PTPRM: variants seen among roughly 807,000 people sequenced by gnomAD.
PTPRM encodes receptor-type tyrosine-protein phosphatase mu.
In PTPRM, 47 loss-of-function variants were observed where a neutral mutation model predicts 186.7. The observed-to-expected ratio is 0.25, with a 90% CI of 0.20 to 0.32. The LOEUF is 0.32. Ranked by LOEUF, PTPRM falls within the 10% of genes least tolerant of loss-of-function variation. The pLI, the probability that PTPRM is intolerant of heterozygous loss-of-function variation, is 1.00. For missense variants in PTPRM, 1,494 were observed against 1,865.0 expected (o/e 0.80, Z 3.66); for synonymous variants, 668 against 674.9 (o/e 0.99, Z 0.16).
chr18:8,269,136 T>C (rs558191595), intron 19 of PTPRM, among the ~76,000 whole-genome samples: 2 of 151,970 alleles, frequency 1.3e-5, no homozygotes, highest in Admixed American at 1.3e-4. Context: ...TCTGTTTATA[T>C]GTAACATGAT....
At chr18:7,782,021 T>C (rs2042880974) in intron 2 of PTPRM, among the ~76,000 whole-genome samples, 1 of 152,192 alleles carries the variant, frequency 6.6e-6, no homozygotes, top group South Asian at 2.1e-4. Context: ...AGCTTTTATA[T>C]GGTGAATGAT....
At chr18:7,906,442 G>A in intron 3 of PTPRM, 63 bp from the exon 4 acceptor site, 2 of 1,234,138 alleles carry the variant, frequency 1.6e-6, no homozygotes, top group Non-Finnish European at 2.4e-6. Flanking sequence ...CTTATATATA[G>A]GAGATACTTG....
At chr18:7,689,312 A>G (rs2039681583) in intron 1 of PTPRM, among the ~76,000 whole-genome samples, 1 of 152,226 alleles carries the variant, frequency 6.6e-6, no homozygotes, top group African/African-American at 2.4e-5. Flanking sequence ...GTGTCATCTC[A>G]GACTGTTCGG....
chr18:7,593,672 C>T (rs1440796862), intron 1 of PTPRM, among the ~76,000 whole-genome samples: 2 of 152,194 alleles, frequency 1.3e-5, no homozygotes, highest in African/African-American at 4.8e-5. Context: ...CACTTACGTC[C>T]ACTTTCTACC....
chr18:8,399,322 C>A (rs1029426020), intron 32 of PTPRM, among the ~76,000 whole-genome samples: 1 of 152,184 alleles, frequency 6.6e-6, no homozygotes, highest in African/African-American at 2.4e-5. Flanking sequence ...TGGAAAGCTG[C>A]CCTATTTCAA....
intron 3 of PTPRM, among the ~76,000 whole-genome samples, chr18:7,899,674 G>A (rs919673135): frequency 6.6e-6 from 1 of 151,944 alleles, no homozygotes; most frequent in African/African-American, 2.4e-5. Flanking sequence ...CAAAGAAGAT[G>A]GTATAAAATG....
intron 1 of PTPRM, among the ~76,000 whole-genome samples, chr18:7,615,500 T>C (rs1598532417): frequency 6.6e-6 from 1 of 152,110 alleles, no homozygotes. Flanking sequence ...CCAGTACCTC[T>C]CCAGCCTAGT....
chr18:7,904,851 A>G (rs2049891782), intron 3 of PTPRM, among the ~76,000 whole-genome samples: 1 of 152,206 alleles, frequency 6.6e-6, no homozygotes, highest in South Asian at 2.1e-4. Flanking sequence ...AGATAGTTTC[A>G]TTCTGTGTGT....
intron 13 of PTPRM, among the ~76,000 whole-genome samples, chr18:8,142,153 G>A (rs995253227): frequency 1.3e-5 from 2 of 152,190 alleles, no homozygotes; most frequent in African/African-American, 2.4e-5. Context: ...CAAAATAGCA[G>A]GACTTATTCT....
chr18:7,570,224 T>C (rs1249549714), intron 1 of PTPRM, among the ~76,000 whole-genome samples: 2 of 152,246 alleles, frequency 1.3e-5, no homozygotes, highest in Non-Finnish European at 2.9e-5. Flanking sequence ...TGCGTTTAGG[T>C]AGTACAGGTG....
At chr18:8,406,055 T>A in intron 32 of PTPRM, 54 bp from the exon 33 acceptor site, 2 of 1,515,594 alleles carry the variant, frequency 1.3e-6, no homozygotes, top group Non-Finnish European at 1.8e-6. Context: ...ATTGCTTTAC[T>A]AGGAACAGCG....
intron 1 of PTPRM, among the ~76,000 whole-genome samples, chr18:7,648,045 C>T (rs1250661770): frequency 6.6e-6 from 1 of 152,096 alleles, no homozygotes; most frequent in South Asian, 2.1e-4. Context: ...TTTTTTCCAA[C>T]AGCATATTTG....
At chr18:7,839,392 C>T (rs1279861453) in intron 2 of PTPRM, among the ~76,000 whole-genome samples, 1 of 152,152 alleles carries the variant, frequency 6.6e-6, no homozygotes, top group African/African-American at 2.4e-5. Flanking sequence ...CTTGGACTCT[C>T]AGTCAGCAGG....
chr18:7,732,204 A>G (rs1419155811), intron 1 of PTPRM, among the ~76,000 whole-genome samples: 2 of 152,128 alleles, frequency 1.3e-5, no homozygotes, highest in African/African-American at 2.4e-5. Context: ...GGTTCAACAT[A>G]CCTTCCCCAG....
chr18:8,021,315 GAGAC>G (rs1438732212), intron 7 of PTPRM, among the ~76,000 whole-genome samples: 94 of 99,216 alleles, frequency 9.5e-4, no homozygotes, highest in African/African-American at 2.1e-3. Context: ...AAGCATAAAA[GAGAC>G]ACACACACAC....
Position 7,567,882 on chromosome 18 carries a change from A to G in PTPRM, c.64A>G (p.Thr22Ala). The G allele has an allele frequency of 6.4e-7, 1 of 1,560,320 alleles. No homozygotes were observed. The highest frequency in any genetic ancestry group is 1.2e-5 in the South Asian group (1 of 86,164). ...ACTTTTGCTAACTGCGGCGGGCGAGACGTTCTCAGGTAAGCGGGACCGCCT... is the reference window on the plus strand; with the variant it reads ...ACTTTTGCTAACTGCGGCGGGCGAGGCGTTCTCAGGTAAGCGGGACCGCCT... Reference protein sequence around the residue: ...AGLLLTAAGETFSGGCLFDEP... With the variant: ...AGLLLTAAGEAFSGGCLFDEP... Residue 22 changes from threonine to alanine, a missense_variant, in exon 1 of 33, where the codon ACG becomes GCG. Thr to Ala is a moderately conservative substitution (Grantham distance 58, BLOSUM62 0). Coordinates refer to ENST00000580170, the MANE Select transcript of PTPRM (RefSeq NM_001105244.2). The surrounding 1 kb of genome is among the most constrained non-coding windows in gnomAD (Gnocchi z 4.3).
intron 2 of PTPRM, among the ~76,000 whole-genome samples, chr18:7,867,769 G>A (rs1175068707): frequency 1.3e-5 from 2 of 151,808 alleles, no homozygotes; most frequent in Admixed American, 6.6e-5. Context: ...GGGAAGTTCT[G>A]GATAATATCC....
chr18:8,358,270 C>CACACACAT (rs1422708733), intron 23 of PTPRM, among the ~76,000 whole-genome samples: 1 of 151,188 alleles, frequency 6.6e-6, no homozygotes, highest in African/African-American at 2.5e-5. Flanking sequence ...CACACACACA[C>CACACACAT]ACACATGCAT....
Position 8,210,018 on chromosome 18 carries a change from A to G in PTPRM, c.2301-34040A>G, listed in dbSNP as rs1296091500. 2.6e-3 allele frequency among the ~76,000 whole-genome samples: 342 copies of G among 131,436 alleles called. 4 individuals carry two copies. The highest frequency in any genetic ancestry group is 8.9e-3 in the African/African-American group (322 of 36,044). The allele number at this position is 131,436 out of a possible 152,430, so 86.2% of individuals were successfully genotyped here. On this transcript the variant is annotated intron_variant, in intron 14 of 32. Transcript: ENST00000580170. ...AAAAAAAAAAAAAAAAAAAAAAAAA[A>G]AGGTGCTCGGGCAAGGTGGCTCATG...
Sources: gnomAD v4.1 joint callset for allele counts (sites outside exome capture counted in the v4.1 genomes callset) on GRCh38, gnomAD v4.1.1 for gene constraint, Gnocchi (gnomAD v3.1) non-coding constraint, MANE v1.5 for transcripts, NCBI Gene and HGNC (gene_info 2026-07-23, HGNC 2026-07-21) for gene names.